Variants in AGBL1 observed in about 807,000 individuals in gnomAD.
AGBL1 encodes cytosolic carboxypeptidase 4.
In AGBL1, 130 loss-of-function variants were observed where a neutral mutation model predicts 118.9. The observed-to-expected ratio is 1.09, with a 90% CI of 0.95 to 1.26. The LOEUF is 1.26. Ranked by LOEUF, AGBL1 falls within the 50% of genes most tolerant of loss-of-function variation. The pLI is 0.00. For synonymous variants in AGBL1, 555 were observed against 478.9 expected, an observed-to-expected ratio of 1.16 and a Z score of -2.08; for missense variants, 1,584 against 1,298.1, an observed-to-expected ratio of 1.22 and a Z score of -3.38.
chr15:86,989,586 G>C (rs780671280), intron 24 of AGBL1, among the ~76,000 whole-genome samples: 5 of 152,052 alleles, frequency 3.3e-5, no homozygotes, highest in African/African-American at 4.8e-5. Flanking sequence ...TGCCCACTTA[G>C]TGCTGGGTGT....
At chr15:86,099,307 G>A (rs1368233789) in intron 1 of AGBL1, among the ~76,000 whole-genome samples, 1 of 152,062 alleles carries the variant, frequency 6.6e-6, no homozygotes, top group African/African-American at 2.4e-5. Flanking sequence ...AGTATTTTAT[G>A]TTTGGTAGCT....
chr15:86,219,288 G>C (rs1028604729), intron 5 of AGBL1, among the ~76,000 whole-genome samples: 1 of 152,088 alleles, frequency 6.6e-6, no homozygotes, highest in African/African-American at 2.4e-5. Flanking sequence ...TATTAGGTTG[G>C]TCCAAATGTA....
intron 21 of AGBL1, among the ~76,000 whole-genome samples, chr15:86,644,636 CAA>C (rs202060119): frequency 3.5e-4 from 39 of 111,966 alleles, no homozygotes; most frequent in Non-Finnish European, 3.2e-4. Flanking sequence ...GGCCTGAACT[CAA>C]AAAAAAAAAA....
At chr15:86,325,601 G>A (rs988067218) in intron 17 of AGBL1, among the ~76,000 whole-genome samples, 7 of 152,132 alleles carry the variant, frequency 4.6e-5, no homozygotes, top group African/African-American at 1.7e-4. Flanking sequence ...GCCTGGCATT[G>A]TTATATCACC....
At chr15:86,682,050 C>T (rs968951298) in intron 22 of AGBL1, among the ~76,000 whole-genome samples, 6 of 152,204 alleles carry the variant, frequency 3.9e-5, no homozygotes, top group Admixed American at 3.9e-4. Flanking sequence ...CTGGTAATAG[C>T]TCTCTTTAAT....
At chr15:86,972,207 T>C (rs1412153905) in intron 23 of AGBL1, among the ~76,000 whole-genome samples, 1 of 152,010 alleles carries the variant, frequency 6.6e-6, no homozygotes, top group Non-Finnish European at 1.5e-5. Context: ...AAATAGATGA[T>C]TACCACTCTG....
chr15:86,653,965 A>C (rs1353827404), intron 21 of AGBL1, among the ~76,000 whole-genome samples: 5 of 152,168 alleles, frequency 3.3e-5, no homozygotes, highest in Non-Finnish European at 7.3e-5. Context: ...ATTAGAGCAG[A>C]AGAATGTGAG....
chr15:86,291,937 A>T (rs1160333274), intron 16 of AGBL1, among the ~76,000 whole-genome samples: 1 of 152,168 alleles, frequency 6.6e-6, no homozygotes, highest in Non-Finnish European at 1.5e-5. Context: ...ATTTTTATTT[A>T]TCTTGAATCT....
chr15:86,593,811 T>A (rs1328422190), intron 21 of AGBL1, among the ~76,000 whole-genome samples: 1 of 152,230 alleles, frequency 6.6e-6, no homozygotes, highest in African/African-American at 2.4e-5. Context: ...TACTGCAGAT[T>A]ATATTTTTCA....
chr15:86,579,617 C>T (rs4332718), intron 21 of AGBL1, among the ~76,000 whole-genome samples: 1 of 152,030 alleles, frequency 6.6e-6, no homozygotes, highest in East Asian at 1.9e-4. Context: ...ATGAGCCATC[C>T]TAAGGGGATG....
At chr15:86,564,785 G>A (rs1471893654) in intron 21 of AGBL1, among the ~76,000 whole-genome samples, 2 of 152,044 alleles carry the variant, frequency 1.3e-5, no homozygotes, top group Non-Finnish European at 2.9e-5. Flanking sequence ...ATGTAGATTT[G>A]GTCTTTTCAC....
chr15:86,896,588 G>A (rs752702358), intron 22 of AGBL1, among the ~76,000 whole-genome samples: 12 of 151,954 alleles, frequency 7.9e-5, no homozygotes, highest in Non-Finnish European at 1.2e-4. Context: ...ACTTTGTTGC[G>A]TTGCTAACAT....
chr15:86,954,074 T>G (rs779464768), intron 23 of AGBL1, among the ~76,000 whole-genome samples: 8 of 152,136 alleles, frequency 5.3e-5, no homozygotes, highest in Non-Finnish European at 7.4e-5. Flanking sequence ...TTAATAAAAT[T>G]CAGAATGGCT....
chr15:86,945,512 T>C (rs1364045789), intron 23 of AGBL1, among the ~76,000 whole-genome samples: 1 of 150,930 alleles, frequency 6.6e-6, no homozygotes, highest in South Asian at 2.1e-4. Context: ...CTACAAAAAA[T>C]ACAAAAAAAA....
intron 13 of AGBL1, among the ~76,000 whole-genome samples, chr15:86,267,552 A>G (rs1405548172): frequency 6.6e-6 from 1 of 152,096 alleles, no homozygotes. Context: ...CTTCCCAGAG[A>G]AAGGTGAACC....
At chr15:87,023,564 T>A (rs1452294189) in intron 24 of AGBL1, among the ~76,000 whole-genome samples, 1 of 152,008 alleles carries the variant, frequency 6.6e-6, no homozygotes, top group Non-Finnish European at 1.5e-5. Context: ...CTGACATCAC[T>A]AGACAGGTCA....
At chr15:86,805,321 T>C (rs1032084284) in intron 22 of AGBL1, among the ~76,000 whole-genome samples, 3 of 151,962 alleles carry the variant, frequency 2.0e-5, no homozygotes, top group African/African-American at 7.2e-5. Context: ...GGTGCAAAAG[T>C]CTCCTCTGTG....
At chr15:86,696,226 G>A (rs764589304) in intron 22 of AGBL1, among the ~76,000 whole-genome samples, 11 of 151,850 alleles carry the variant, frequency 7.2e-5, no homozygotes, top group Non-Finnish European at 1.6e-4. Context: ...TCATTTCTTA[G>A]GTCTAGTAGT....
intron 21 of AGBL1, among the ~76,000 whole-genome samples, chr15:86,599,803 C>A (rs751867210): frequency 1.1e-4 from 16 of 152,090 alleles, no homozygotes; most frequent in Non-Finnish European, 2.2e-4. Flanking sequence ...GTGGTAAACA[C>A]TATTTTTTTG....
Sources: allele counts gnomAD v4.1 joint callset (sites outside exome capture counted in the v4.1 genomes callset), GRCh38; gene constraint gnomAD v4.1.1; transcripts MANE v1.5; gene names NCBI Gene and HGNC (gene_info 2026-07-23, HGNC 2026-07-21).